Variants in CTNND2 observed in about 807,000 individuals in gnomAD.
CTNND2 encodes the protein catenin delta-2.
CTNND2 carries 22 observed loss-of-function variants against 144.4 expected under a neutral mutation model. That is an observed-to-expected ratio of 0.15 (90% CI 0.11 to 0.22). The LOEUF (loss-of-function observed/expected upper bound fraction) is 0.22, where lower values mean the gene tolerates loss of function less well. Among genes scored for constraint, CTNND2 ranks in the 10% least tolerant of loss-of-function variants. The pLI, the probability that CTNND2 is intolerant of heterozygous loss-of-function variation, is 1.00. For synonymous variants in CTNND2, 751 were observed against 695.6 expected, an observed-to-expected ratio of 1.08 and a Z score of -1.25; for missense variants, 1,353 against 1,618.8, an observed-to-expected ratio of 0.84 and a Z score of 2.82.
chr5:11,656,702 A>G (rs755881632), intron 2 of CTNND2, among the ~76,000 whole-genome samples: 2 of 152,150 alleles, frequency 1.3e-5, no homozygotes, highest in Non-Finnish European at 2.9e-5. Flanking sequence ...GCCACAAAAG[A>G]TGCACAACTA....
intron 10 of CTNND2, among the ~76,000 whole-genome samples, chr5:11,227,501 TGAAA>T (rs1220171474): frequency 6.6e-6 from 1 of 152,118 alleles, no homozygotes; most frequent in African/African-American, 2.4e-5. Flanking sequence ...CAATTTATGA[TGAAA>T]GAAAGAGAAG....
chr5:11,895,465 C>T lies in CTNND2; in HGVS notation c.37+8352G>A, dbSNP rs114004002. ...TTATGACACTTAGTAGTAAAATAAC[C>T]GTTCACTTAGAAAATGATGAAGTTG... On this transcript the variant is annotated intron_variant, in intron 1 of 21. Coordinates refer to ENST00000304623, the MANE Select transcript of CTNND2 (RefSeq NM_001332.4). Among the ~76,000 whole-genome samples the T allele has an allele frequency of 4.9e-3, 752 of 152,134 alleles. 8 individuals are homozygous for T. The highest frequency in any genetic ancestry group is 0.015 in the African/African-American group (635 of 41,504).
chr5:11,882,122 T>C (rs1368045661), intron 1 of CTNND2, among the ~76,000 whole-genome samples: 1 of 152,128 alleles, frequency 6.6e-6, no homozygotes, highest in Admixed American at 6.6e-5. Context: ...ATTTACTCCT[T>C]GCCAGATGGA....
intron 9 of CTNND2, among the ~76,000 whole-genome samples, chr5:11,341,822 G>A (rs1323377629): frequency 1.3e-5 from 2 of 152,074 alleles, no homozygotes; most frequent in East Asian, 3.9e-4. Context: ...AGCCTGGGCA[G>A]CACAGCAAGA....
intron 3 of CTNND2, among the ~76,000 whole-genome samples, chr5:11,440,295 T>A (rs1764150778): frequency 1.3e-5 from 2 of 152,354 alleles, no homozygotes; most frequent in South Asian, 4.1e-4. Context: ...TGTTTCACCT[T>A]ATCTTAAACT....
intron 9 of CTNND2, among the ~76,000 whole-genome samples, chr5:11,309,376 A>G (rs577714066): frequency 1.8e-4 from 27 of 152,366 alleles, no homozygotes; most frequent in African/African-American, 6.2e-4. Flanking sequence ...TGTGGCCTGC[A>G]TGTGAGACAT....
chr5:11,858,908 G>A (rs1208919096), intron 1 of CTNND2, among the ~76,000 whole-genome samples: 2 of 152,298 alleles, frequency 1.3e-5, no homozygotes, highest in Middle Eastern at 3.4e-3. Flanking sequence ...CAGCCTGGGC[G>A]ACAGAGTGAG....
At chr5:11,799,366 A>G (rs1027056219) in intron 1 of CTNND2, among the ~76,000 whole-genome samples, 42 of 152,108 alleles carry the variant, frequency 2.8e-4, no homozygotes, top group Non-Finnish European at 5.0e-4. Flanking sequence ...TCTCTGAATA[A>G]AGATATGGGT....
Position 11,443,403 on chromosome 5 carries a change from TG to T in CTNND2, c.288-31335del, listed in dbSNP as rs1209725278. The stretch of plus-strand genomic sequence containing the variant: ...GAGTGGGGGGTGTGTGGTGTGTGTG[TG>T]GGGGGGGTGTGTGGTGTGTGTGTGT... On this transcript the variant is annotated intron_variant, in intron 3 of 21. Transcript: ENST00000304623. 8.3e-3 allele frequency among the ~76,000 whole-genome samples: 435 copies of T among 52,344 alleles called. 10 individuals carry two copies. The highest frequency in any genetic ancestry group is 0.033 in the African/African-American group (409 of 12,278). The allele number at this position is 52,344 out of a possible 152,430, so 34.3% of individuals were successfully genotyped here.
intron 10 of CTNND2, among the ~76,000 whole-genome samples, chr5:11,202,370 T>C (rs1240114942): frequency 6.6e-6 from 1 of 152,208 alleles, no homozygotes; most frequent in East Asian, 1.9e-4. Context: ...CCCTAATTAA[T>C]GCCATATACC....
intron 1 of CTNND2, among the ~76,000 whole-genome samples, chr5:11,787,417 C>T (rs945136383): frequency 1.3e-5 from 2 of 152,186 alleles, no homozygotes; most frequent in Non-Finnish European, 2.9e-5. Flanking sequence ...ATTTCAGCCA[C>T]TTTTCTAGAG....
chr5:11,757,358 C>T (rs747028972), intron 1 of CTNND2, among the ~76,000 whole-genome samples: 15 of 151,830 alleles, frequency 9.9e-5, no homozygotes, highest in Non-Finnish European at 2.1e-4. Context: ...TTAGTTCTCT[C>T]CTCTACAAAT....
At chr5:11,040,744 A>T (rs772667147) in intron 16 of CTNND2, among the ~76,000 whole-genome samples, 5 of 152,360 alleles carry the variant, frequency 3.3e-5, no homozygotes, top group Middle Eastern at 6.8e-3. Context: ...AAAATGAGGC[A>T]AGCAACTAAT....
chr5:11,514,049 G>A (rs932804803), intron 3 of CTNND2, among the ~76,000 whole-genome samples: 1 of 150,986 alleles, frequency 6.6e-6, no homozygotes, highest in African/African-American at 2.4e-5. Flanking sequence ...TAAATATGGT[G>A]GCATGTGGCT....
At chr5:11,608,254 A>G (rs1780157290) in intron 2 of CTNND2, among the ~76,000 whole-genome samples, 1 of 152,174 alleles carries the variant, frequency 6.6e-6, no homozygotes, top group African/African-American at 2.4e-5. Flanking sequence ...TAAGGCTTTA[A>G]ACATCATCTA....
intron 2 of CTNND2, among the ~76,000 whole-genome samples, chr5:11,604,301 A>G (rs903126975): frequency 4.6e-5 from 7 of 152,222 alleles, no homozygotes; most frequent in African/African-American, 1.2e-4. Flanking sequence ...AAAAATTTAC[A>G]AACTCTCTAC....
Position 11,283,673 on chromosome 5 carries a change from C to CAAAAAAAA in CTNND2, c.1629-46858_1629-46851dup, listed in dbSNP as rs70947250. Among the ~76,000 whole-genome samples the CAAAAAAAA allele has an allele frequency of 3.0e-3, 94 of 31,616 alleles. 17 individuals carry two copies. The highest frequency in any genetic ancestry group is 4.7e-3 in the Non-Finnish European group (82 of 17,278). 20.7% of individuals were successfully genotyped at this position (31,616 alleles called of 152,430 possible). A position where few individuals can be genotyped will look rare whatever the true frequency, so the allele number is the denominator to read the frequency against. On this transcript the variant is annotated intron_variant, in intron 9 of 21. Transcript: ENST00000304623. ...TGGGTGAAAGAGTGAGACTCCGTCT[C>CAAAAAAAA]AAAAAAAAAAAAAAAAAAAAAAAAA...
intron 10 of CTNND2, among the ~76,000 whole-genome samples, chr5:11,213,929 C>T (rs1738903455): frequency 6.6e-6 from 1 of 152,142 alleles, no homozygotes; most frequent in African/African-American, 2.4e-5. Flanking sequence ...GTCTTCTCCT[C>T]CTTCCCTCAC....
intron 2 of CTNND2, among the ~76,000 whole-genome samples, chr5:11,586,710 T>C (rs920891287): frequency 6.6e-6 from 1 of 152,230 alleles, no homozygotes; most frequent in East Asian, 1.9e-4. Context: ...GGATAAAATT[T>C]GTGAGTCAAA....
Sources: allele counts gnomAD v4.1 joint callset (sites outside exome capture counted in the v4.1 genomes callset), GRCh38; gene constraint gnomAD v4.1.1; transcripts MANE v1.5; gene names NCBI Gene and HGNC (gene_info 2026-07-23, HGNC 2026-07-21).